The following RPS6KL1 variants were observed in gnomAD, a reference collection of about 807,000 sequenced individuals.
RPS6KL1 encodes ribosomal protein S6 kinase like 1.
RPS6KL1 carries 41 observed loss-of-function variants against 57.0 expected under a neutral mutation model. That is an observed-to-expected ratio of 0.72 (90% CI 0.56 to 0.93). The LOEUF (loss-of-function observed/expected upper bound fraction) is 0.93, where lower values mean the gene tolerates loss of function less well. Among genes scored for constraint, RPS6KL1 ranks in the 40% least tolerant of loss-of-function variants. The probability of loss-of-function intolerance (pLI) is 0.00; values close to 1 mark genes in which losing one functional copy is unlikely to be tolerated. For synonymous variants in RPS6KL1, 287 were observed against 309.7 expected, an observed-to-expected ratio of 0.93 and a Z score of 0.77; for missense variants, 697 against 727.7, an observed-to-expected ratio of 0.96 and a Z score of 0.49.
At chr14:74,912,890 T>G (rs534575253) in intron 5 of RPS6KL1, among the ~76,000 whole-genome samples, 25 of 152,380 alleles carry the variant, frequency 1.6e-4, no homozygotes, top group African/African-American at 6.0e-4. Flanking sequence ...TTGACTCATC[T>G]GCATGGTGGG....
intron 1 of RPS6KL1, among the ~76,000 whole-genome samples, chr14:74,922,862 G>A (rs1407043752): frequency 6.6e-6 from 1 of 152,234 alleles, no homozygotes; most frequent in Non-Finnish European, 1.5e-5. Context: ...CACAGCCTCA[G>A]CCGGCGGGGA....
chr14:74,908,774 G>T, intron 10 of RPS6KL1, 76 bp downstream of exon 10: 3 of 1,320,642 alleles, frequency 2.3e-6, no homozygotes, highest in Non-Finnish European at 3.3e-6. Flanking sequence ...GCCCAGACTG[G>T]CTGGATGGAC....
intron 8 of RPS6KL1, 161 bp from the exon 9 acceptor site, chr14:74,909,351 C>T (rs1885491402): frequency 2.0e-6 from 2 of 991,794 alleles, no homozygotes; most frequent in Non-Finnish European, 3.0e-6. Flanking sequence ...GCACAGCACT[C>T]TGAGGCCCAC....
intron 5 of RPS6KL1, among the ~76,000 whole-genome samples, chr14:74,916,124 G>C (rs1886801991): frequency 1.3e-5 from 2 of 152,208 alleles, no homozygotes; most frequent in Admixed American, 1.3e-4. Flanking sequence ...CTTCCTCCCT[G>C]GGCCTGAGGG....
At position 74,906,412 on chromosome 14, in the gene RPS6KL1, G is replaced by T. The variant is rs1306094433; in HGVS notation, c.*602C>A. ...GGGCATGGTCAGGAATCGGGGGTGG[G>T]GGGGTGGGGGTGGGGGTCATCCTGT... is the stretch of plus-strand genomic sequence containing the variant. On this transcript the variant is annotated 3_prime_UTR_variant, in exon 12 of 12. Coordinates refer to ENST00000557413, the MANE Select transcript of RPS6KL1 (RefSeq NM_031464.5). The T allele has an allele frequency of 3.2e-4, 108 of 341,140 alleles. 3 individuals carry two copies. Among genetic ancestry groups the T allele is most frequent in the Middle Eastern group, 2.1e-3 (2 of 952 alleles). 21.1% of individuals were successfully genotyped at this position (341,140 alleles called of 1,614,324 possible).
At chr14:74,909,257 A>T (rs539141821) in intron 8 of RPS6KL1, 67 bp from the exon 9 acceptor site, 1 of 1,473,154 alleles carries the variant, frequency 6.8e-7, no homozygotes, top group Admixed American at 1.7e-5. Context: ...AGGGGGTTGC[A>T]GGGCTTCCCC....
Position 74,919,872 on chromosome 14 carries a change from C to G in RPS6KL1, c.363G>C (p.Pro121=). ...CGCTGGGGCTGGCTCCACTGCTCAGCGGCCGCTGCAGGTGGCAGTTGAAGA... is the reference window on the plus strand; with the variant it reads ...CGCTGGGGCTGGCTCCACTGCTCAGGGGCCGCTGCAGGTGGCAGTTGAAGA... ...EEIFNCHLQR[P]LSSGASPSAG... Residue 121 remains proline (P), a synonymous_variant, in exon 4 of 12, where the codon CCG becomes CCC. Coordinates refer to ENST00000557413, the MANE Select transcript of RPS6KL1 (RefSeq NM_031464.5). 1 of 1,613,598 alleles carries G rather than the reference C, an allele frequency of 6.2e-7. No individual in the cohort carries two copies. The highest frequency in any genetic ancestry group is 8.5e-7 in the Non-Finnish European group (1 of 1,179,928).
In RPS6KL1 at chr14:74,906,589, A is replaced by G. The variant is rs745659270; in HGVS notation, c.*425T>C. The stretch of plus-strand genomic sequence containing the variant: ...TGGTTTGGGTCCACTGAGCCAGTGG[A>G]TCAGTGTCCTGAGATGAGTCTCCAG... On this transcript the variant is annotated 3_prime_UTR_variant, in exon 12 of 12. Coordinates refer to ENST00000557413, the MANE Select transcript of RPS6KL1 (RefSeq NM_031464.5). 1.7e-5 allele frequency: 9 copies of G among 530,974 alleles called. No homozygotes were observed. In the Admixed American group the frequency reaches 1.8e-4, roughly 10 times the overall value. 32.9% of individuals were successfully genotyped at this position (530,974 alleles called of 1,614,324 possible). A position where few individuals can be genotyped will look rare whatever the true frequency, so the allele number is the denominator to read the frequency against.
intron 5 of RPS6KL1, among the ~76,000 whole-genome samples, chr14:74,915,153 A>T (rs1054625178): frequency 6.6e-6 from 1 of 152,236 alleles, no homozygotes; most frequent in African/African-American, 2.4e-5. Flanking sequence ...ACATGGGGCC[A>T]TTGAGCACTT....
intron 5 of RPS6KL1, among the ~76,000 whole-genome samples, chr14:74,914,929 C>T (rs151285068): frequency 0.012 from 1,777 of 152,330 alleles, 11 homozygotes; most frequent in African/African-American, 0.015. Context: ...TCAGGCTGGT[C>T]TTGAACTCCT....
At chr14:74,921,241 CCA>C in intron 3 of RPS6KL1, 34 bp downstream of exon 3, 6 of 816,844 alleles carry the variant, frequency 7.3e-6, no homozygotes, top group Non-Finnish European at 1.3e-5. Flanking sequence ...TGGCCCTTCC[CCA>C]CCCACCCCAG....
chr14:74,911,699 G>A, intron 6 of RPS6KL1, 95 bp downstream of exon 6: 1 of 1,180,800 alleles, frequency 8.5e-7, no homozygotes, highest in Non-Finnish European at 1.2e-6. Flanking sequence ...GGGAGGGAGT[G>A]CAGGCTTCAA....
chr14:74,911,232 C>T lies in RPS6KL1; in HGVS notation c.664+16G>A, dbSNP rs777644776. 1 of 1,609,560 alleles carries T rather than the reference C, an allele frequency of 6.2e-7. No homozygotes were observed. Among genetic ancestry groups the T allele is most frequent in the Non-Finnish European group, 8.5e-7 (1 of 1,179,648 alleles). ...AAAGGCCTGGGGAGCTGACAGGGGG[C>T]CCCAGGCCTGCTCACCTTGCACATG... is the stretch of plus-strand genomic sequence containing the variant. On this transcript the variant is annotated intron_variant, in intron 7 of 11. Coordinates refer to ENST00000557413, the MANE Select transcript of RPS6KL1 (RefSeq NM_031464.5).
Position 74,909,695 on chromosome 14 carries a change from G to T in RPS6KL1, c.1118C>A (p.Ala373Asp). ...GGTGGCCCTGCCACAGCCCCGGCCG[G>T]CCCCATCTGCTGACAGGCAGCTCTG... Reference protein sequence around the residue: ...MDQSCLSADGAGRGCGRATWS... With the variant: ...MDQSCLSADGDGRGCGRATWS... The change falls in exon 8 of 12, where the codon GCC (alanine) becomes GAC (aspartate). Residue 373 changes from alanine (A) to aspartate (D), a missense_variant. Transcript: ENST00000557413. 6.2e-7 allele frequency: 1 copy of T among 1,609,042 alleles called. No individual in the cohort carries two copies. The highest frequency in any genetic ancestry group is 8.5e-7 in the Non-Finnish European group (1 of 1,179,898).
chr14:74,912,910 G>A (rs1886265891), intron 5 of RPS6KL1, among the ~76,000 whole-genome samples: 1 of 152,228 alleles, frequency 6.6e-6, no homozygotes, highest in Non-Finnish European at 1.5e-5. Context: ...GCAGGGGCGG[G>A]CCCCAGCATA....
intron 10 of RPS6KL1, 46 bp from the exon 11 acceptor site, chr14:74,907,576 C>G: frequency 2.0e-6 from 3 of 1,514,762 alleles, no homozygotes; most frequent in Non-Finnish European, 2.7e-6. Context: ...ACCCCAGGAC[C>G]GTCTACACTC....
At position 74,907,513 on chromosome 14, in the gene RPS6KL1, G is replaced by A. The variant is rs574107633; in HGVS notation, c.1461C>T (p.His487=). The A allele has an allele frequency of 1.3e-6, 2 of 1,579,336 alleles. No homozygotes were observed. Among genetic ancestry groups the A allele is most frequent in the Non-Finnish European group, 1.7e-6 (2 of 1,162,464 alleles). The part of the protein sequence containing the change: ...LLTGMALSQS[H]PSGIQAHTQL... Reference sequence around the variant, plus strand: ...GGGTGTGGGCCTGGATTCCTGAAGGGTGGCTCTGGGACAGTGCCTGGGAGG... The same window carrying A: ...GGGTGTGGGCCTGGATTCCTGAAGGATGGCTCTGGGACAGTGCCTGGGAGG... Residue 487 remains histidine (H), a synonymous_variant, in exon 11 of 12, where the codon CAC becomes CAT. Transcript: ENST00000557413.
At position 74,906,979 on chromosome 14, in the gene RPS6KL1, C is replaced by T. The variant is rs1884994327; in HGVS notation, c.*35G>A. 6.6e-7 allele frequency: 1 copy of T among 1,513,076 alleles called. No individual in the cohort carries two copies. The highest frequency in any genetic ancestry group is 9.1e-7 in the Non-Finnish European group (1 of 1,094,446). 93.7% of individuals were successfully genotyped at this position (1,513,076 alleles called of 1,614,324 possible). ...AGGCAAGGAGGAGAGGCGATCCAGA[C>T]CAGGCCAGCTGCTTCCGTCACCCGC... On this transcript the variant is annotated 3_prime_UTR_variant, in exon 12 of 12. Transcript: ENST00000557413.
rs547380957 is a variant in RPS6KL1, at chr14:74,921,169, G to A, written c.265+108C>T. 6.9e-4 allele frequency: 675 copies of A among 978,240 alleles called. 5 individuals carry two copies. Among genetic ancestry groups the A allele is most frequent in the African/African-American group, 4.5e-3 (282 of 63,062 alleles). 60.6% of individuals were successfully genotyped at this position (978,240 alleles called of 1,614,324 possible). A position where few individuals can be genotyped will look rare whatever the true frequency, so the allele number is the denominator to read the frequency against. ...AGGCCCTGCAGGCCAGCATAGTGCC[G>A]TGCTCACTCAGTACAAATGGACAGG... On this transcript the variant is annotated intron_variant, in intron 3 of 11. Transcript: ENST00000557413.
Sources: allele counts gnomAD v4.1 joint callset (sites outside exome capture counted in the v4.1 genomes callset), GRCh38; gene constraint gnomAD v4.1.1; transcripts MANE v1.5; gene names NCBI Gene and HGNC (gene_info 2026-07-23, HGNC 2026-07-21).